Variants in CSMD1 observed in about 807,000 individuals in gnomAD.
CSMD1 encodes CUB and Sushi multiple domains 1.
CSMD1 carries 213 observed loss-of-function variants against 417.5 expected under a neutral mutation model. The ratio of observed to expected loss-of-function variants is 0.51; its 90% CI spans 0.46 to 0.57. The LOEUF is 0.57. Among genes scored for constraint, CSMD1 ranks in the 20% least tolerant of loss-of-function variants. The pLI is 0.00. For synonymous variants in CSMD1, 2,862 were observed against 1,736.8 expected (o/e 1.65, Z -16.11); for missense variants, 6,923 against 4,529.7 (o/e 1.53, Z -15.17).
At chr8:4,671,073 A>C (rs991133002) in intron 1 of CSMD1, among the ~76,000 whole-genome samples, 2 of 152,242 alleles carry the variant, frequency 1.3e-5, no homozygotes, top group African/African-American at 4.8e-5. Flanking sequence ...ATTACAAAGC[A>C]GAACCCTGCT....
At chr8:4,440,866 G>A (rs149651186) in intron 2 of CSMD1, among the ~76,000 whole-genome samples, 3,219 of 151,578 alleles carry the variant, frequency 0.021, 137 homozygotes, top group African/African-American at 0.074. Flanking sequence ...GAGTGGGGGT[G>A]AATGCCTATA....
intron 3 of CSMD1, among the ~76,000 whole-genome samples, chr8:4,141,841 G>A (rs962197348): frequency 6.6e-6 from 1 of 150,912 alleles, no homozygotes; most frequent in South Asian, 2.1e-4. Flanking sequence ...CATTTATCGT[G>A]ACTAACAGTA....
At chr8:4,407,866 T>A (rs760879730) in intron 3 of CSMD1, among the ~76,000 whole-genome samples, 94 of 152,262 alleles carry the variant, frequency 6.2e-4, no homozygotes, top group Non-Finnish European at 1.2e-3. Context: ...TGTGGAATGT[T>A]GAAAGCTCAT....
intron 3 of CSMD1, among the ~76,000 whole-genome samples, chr8:4,388,493 G>A (rs912560122): frequency 2.0e-5 from 3 of 151,832 alleles, no homozygotes; most frequent in South Asian, 2.1e-4. Context: ...ATATGTGGGA[G>A]GTAAGTTGTG....
chr8:3,450,942 G>A (rs1043252852), intron 12 of CSMD1, among the ~76,000 whole-genome samples: 14 of 152,058 alleles, frequency 9.2e-5, no homozygotes, highest in African/African-American at 3.4e-4. Context: ...CAGTGTAAAA[G>A]TGTTCCTATT....
chr8:4,291,591 A>C (rs368389040), intron 3 of CSMD1, among the ~76,000 whole-genome samples: 1 of 152,208 alleles, frequency 6.6e-6, no homozygotes, highest in Non-Finnish European at 1.5e-5. Flanking sequence ...CGTAATATTT[A>C]ATTTCTGTGG....
At chr8:4,748,727 C>T (rs550055216) in intron 1 of CSMD1, among the ~76,000 whole-genome samples, 32 of 152,306 alleles carry the variant, frequency 2.1e-4, no homozygotes, top group African/African-American at 6.3e-4. Flanking sequence ...TCAAAGAATA[C>T]TCAAAGTAAA....
At chr8:3,445,833 T>C (rs1455038339) in intron 12 of CSMD1, among the ~76,000 whole-genome samples, 1 of 152,140 alleles carries the variant, frequency 6.6e-6, no homozygotes, top group Admixed American at 6.5e-5. Context: ...AGGGATTATA[T>C]CCTTGAAAGA....
chr8:4,568,448 C>T (rs904820453), intron 2 of CSMD1, among the ~76,000 whole-genome samples: 2 of 152,106 alleles, frequency 1.3e-5, no homozygotes, highest in Non-Finnish European at 2.9e-5. Flanking sequence ...ATGACATGAA[C>T]TCATTCTTTT....
At chr8:3,357,531 G>A (rs554580438) in intron 21 of CSMD1, among the ~76,000 whole-genome samples, 17 of 152,284 alleles carry the variant, frequency 1.1e-4, no homozygotes, top group South Asian at 2.1e-4. Context: ...TTAGACCACA[G>A]AGTAAAAACC....
chr8:3,224,703 T>C (rs1798398861), intron 27 of CSMD1, among the ~76,000 whole-genome samples: 1 of 152,206 alleles, frequency 6.6e-6, no homozygotes, highest in South Asian at 2.1e-4. Context: ...ATTAAATGTG[T>C]TTACATTTAT....
rs11988259 is a variant in CSMD1 at position 4,271,544 on chromosome 8, C to T, written c.415+148409G>A. 5.6e-3 allele frequency among the ~76,000 whole-genome samples: 845 copies of T among 151,516 alleles called. 8 individuals carry two copies. Among genetic ancestry groups the T allele is most frequent in the African/African-American group, 0.019 (779 of 41,298 alleles). ...AATGAACACCACCAACAAAATACCA[C>T]CATTACAATTACATTTCAAAAGAGA... On this transcript the variant is annotated intron_variant, in intron 3 of 69. Coordinates refer to ENST00000635120, the MANE Select transcript of CSMD1 (RefSeq NM_033225.6).
chr8:4,736,369 G>T (rs936135583), intron 1 of CSMD1, among the ~76,000 whole-genome samples: 1 of 152,160 alleles, frequency 6.6e-6, no homozygotes, highest in African/African-American at 2.4e-5. Flanking sequence ...GGTTGGAGGT[G>T]CCAAGAAGAT....
At chr8:3,874,411 G>C (rs993752992) in intron 5 of CSMD1, among the ~76,000 whole-genome samples, 4 of 152,116 alleles carry the variant, frequency 2.6e-5, no homozygotes, top group Admixed American at 6.5e-5. Flanking sequence ...GTCATTATAG[G>C]TTTTATCCCT....
intron 3 of CSMD1, among the ~76,000 whole-genome samples, chr8:4,343,548 C>T (rs1800602639): frequency 1.3e-5 from 2 of 152,054 alleles, no homozygotes; most frequent in South Asian, 4.1e-4. Context: ...TACAATGTTA[C>T]TTGTCAATTA....
chr8:3,674,324 A>G (rs554655181), intron 7 of CSMD1, among the ~76,000 whole-genome samples: 4 of 152,182 alleles, frequency 2.6e-5, no homozygotes, highest in Non-Finnish European at 1.5e-5. Context: ...TGAACTTACC[A>G]TGTAAAATAT....
chr8:4,148,691 G>A (rs1430212106), intron 3 of CSMD1, among the ~76,000 whole-genome samples: 2 of 152,050 alleles, frequency 1.3e-5, no homozygotes, highest in African/African-American at 2.4e-5. Context: ...CTTCTAGTAA[G>A]GGCACTCAGC....
intron 69 of CSMD1, among the ~76,000 whole-genome samples, chr8:2,939,621 C>A (rs574592168): frequency 6.6e-6 from 1 of 152,114 alleles, no homozygotes; most frequent in Non-Finnish European, 1.5e-5. Flanking sequence ...TACATAAGCA[C>A]GCTCGCAAAA....
At chr8:3,531,155 C>A (rs1226091841) in intron 10 of CSMD1, among the ~76,000 whole-genome samples, 1 of 152,162 alleles carries the variant, frequency 6.6e-6, no homozygotes, top group Non-Finnish European at 1.5e-5. Flanking sequence ...GCCACCACAC[C>A]TGGCCCATAC....
Sources: allele counts gnomAD v4.1 joint callset (sites outside exome capture counted in the v4.1 genomes callset), GRCh38; gene constraint gnomAD v4.1.1; transcripts MANE v1.5; gene names NCBI Gene and HGNC (gene_info 2026-07-23, HGNC 2026-07-21).